Variants in LRBA observed in about 807,000 individuals in gnomAD.
LRBA encodes LPS responsive beige-like anchor protein.
A neutral mutation model predicts 330.0 loss-of-function variants in LRBA; 176 were observed. That is an observed-to-expected ratio of 0.53 (90% confidence interval 0.47 to 0.60). The LOEUF is 0.60. LRBA is among the 20% of genes least tolerant of loss of function. LRBA has a pLI of 0.00. For synonymous variants in LRBA, 1,230 were observed against 1,193.0 expected (o/e 1.03, Z -0.64); for missense variants, 3,259 against 3,444.8 (o/e 0.95, Z 1.35).
intron 40 of LRBA, among the ~76,000 whole-genome samples, chr4:150,571,005 G>C (rs1769773283): frequency 6.6e-6 from 1 of 152,092 alleles, no homozygotes; most frequent in South Asian, 2.1e-4. Flanking sequence ...TGCTGTAGCA[G>C]TATGTTTGAG....
chr4:150,423,156 C>T lies in LRBA; in HGVS notation c.7042-7566G>A, dbSNP rs534883471. ...CACCACCAAAGTACAGGACCAACCT[C>T]GGGGCAGGGTCCCTCCGGTCCCCCT... On this transcript the variant is annotated intron_variant, in intron 46 of 56. Coordinates refer to ENST00000651943, the MANE Select transcript of LRBA (RefSeq NM_001364905.1). 11 of 1,167,064 alleles carry T rather than the reference C, an allele frequency of 9.4e-6. 1 individual carries two copies. Among genetic ancestry groups the T allele is most frequent in the African/African-American group, 4.7e-5 (3 of 63,622 alleles). 72.3% of individuals were successfully genotyped at this position (1,167,064 alleles called of 1,614,324 possible).
At chr4:150,301,195 T>C (rs1729632978) in intron 53 of LRBA, among the ~76,000 whole-genome samples, 1 of 152,032 alleles carries the variant, frequency 6.6e-6, no homozygotes, top group African/African-American at 2.4e-5. Context: ...GACCAGAATA[T>C]TGTGTTCATG....
chr4:150,661,726 T>G (rs1290735649), intron 37 of LRBA, among the ~76,000 whole-genome samples: 1 of 152,054 alleles, frequency 6.6e-6, no homozygotes, highest in East Asian at 1.9e-4. Context: ...TTCTCATGAC[T>G]CAGCTTCCTG....
intron 30 of LRBA, among the ~76,000 whole-genome samples, chr4:150,820,809 A>G (rs1333947170): frequency 1.3e-5 from 2 of 152,086 alleles, no homozygotes; most frequent in East Asian, 3.8e-4. Flanking sequence ...TTCAACAGAG[A>G]TCTTTAACCT....
At chr4:150,358,027 C>A (rs893985251) in intron 47 of LRBA, among the ~76,000 whole-genome samples, 1 of 151,990 alleles carries the variant, frequency 6.6e-6, no homozygotes. Flanking sequence ...TATTTCTATT[C>A]CTGAGATAAG....
chr4:150,496,615 T>C (rs1759619490), intron 40 of LRBA, among the ~76,000 whole-genome samples: 1 of 152,052 alleles, frequency 6.6e-6, no homozygotes, highest in African/African-American at 2.4e-5. Flanking sequence ...CCTGCACATG[T>C]AACATCAATA....
chr4:150,334,043 A>G (rs889998129), intron 48 of LRBA, among the ~76,000 whole-genome samples: 3 of 152,194 alleles, frequency 2.0e-5, no homozygotes, highest in Admixed American at 2.0e-4. Flanking sequence ...AACCTTAGGA[A>G]AGAAATACAA....
intron 36 of LRBA, among the ~76,000 whole-genome samples, chr4:150,694,799 T>C (rs1016241236): frequency 1.3e-5 from 2 of 152,170 alleles, no homozygotes; most frequent in African/African-American, 2.4e-5. Flanking sequence ...TGTTGGGTTC[T>C]TATCGTTACA....
chr4:150,473,017 T>C (rs1756324186), intron 42 of LRBA, among the ~76,000 whole-genome samples: 1 of 152,124 alleles, frequency 6.6e-6, no homozygotes, highest in South Asian at 2.1e-4. Flanking sequence ...ATTGCTAGGT[T>C]GTATGTTGAG....
chr4:150,310,465 T>C, intron 51 of LRBA, 81 bp from the exon 52 acceptor site: 1 of 873,048 alleles, frequency 1.1e-6, no homozygotes, highest in South Asian at 1.8e-5. Flanking sequence ...AGGAGACACA[T>C]TCCCAGATAA....
At chr4:150,353,665 G>A (rs558256229) in intron 47 of LRBA, among the ~76,000 whole-genome samples, 38 of 152,196 alleles carry the variant, frequency 2.5e-4, no homozygotes, top group South Asian at 1.0e-3. Flanking sequence ...GAAAGCTACC[G>A]TGTGCTCATA....
At chr4:150,740,820 T>C (rs1037327917) in intron 35 of LRBA, among the ~76,000 whole-genome samples, 1 of 151,998 alleles carries the variant, frequency 6.6e-6, no homozygotes, top group Non-Finnish European at 1.5e-5. Context: ...CTAAAATCTA[T>C]AGAAAATGTA....
chr4:150,891,183 T>C (rs902928719), intron 17 of LRBA, among the ~76,000 whole-genome samples: 1 of 152,184 alleles, frequency 6.6e-6, no homozygotes, highest in Non-Finnish European at 1.5e-5. Flanking sequence ...GACCTATCCA[T>C]TACATTCCTA....
chr4:150,354,815 C>T (rs1737616288), intron 47 of LRBA, among the ~76,000 whole-genome samples: 1 of 151,894 alleles, frequency 6.6e-6, no homozygotes, highest in Admixed American at 6.6e-5. Flanking sequence ...TTATTACTAA[C>T]TTTCATTTGT....
At chr4:150,471,385 G>C (rs1040691245) in intron 43 of LRBA, among the ~76,000 whole-genome samples, 3 of 152,042 alleles carry the variant, frequency 2.0e-5, no homozygotes, top group Non-Finnish European at 4.4e-5. Context: ...ACAGTACTTT[G>C]AGTTTTTTAC....
intron 17 of LRBA, among the ~76,000 whole-genome samples, chr4:150,886,722 A>T (rs1728978989): frequency 6.6e-6 from 1 of 152,202 alleles, no homozygotes; most frequent in South Asian, 2.1e-4. Context: ...CTAAACAACA[A>T]CAACAAAACA....
intron 40 of LRBA, chr4:150,582,946 C>T: frequency 6.7e-7 from 1 of 1,490,168 alleles, no homozygotes; most frequent in East Asian, 2.3e-5. Flanking sequence ...TTTCGAAAGC[C>T]GCTGGGCCAC....
chr4:150,280,178 G>T (rs1005740771), intron 55 of LRBA, among the ~76,000 whole-genome samples: 1 of 152,168 alleles, frequency 6.6e-6, no homozygotes, highest in African/African-American at 2.4e-5. Context: ...AAGAGCCAGG[G>T]TAACATTTAG....
Position 150,447,355 on chromosome 4 carries a change from G to T in LRBA, c.6781-10491C>A, listed in dbSNP as rs1752741702. Among the ~76,000 whole-genome samples the T allele has an allele frequency of 3.9e-5, 6 of 152,064 alleles. No individual in the cohort carries two copies. The South Asian group carries it at 1.2e-3, about 31-fold the overall frequency. ...TAGATTTCTTTCTCCAATGTGGGTG[G>T]GCATCATCCAATCTGCTGAGGATCT... On this transcript the variant is annotated intron_variant, in intron 44 of 56. Transcript: ENST00000651943.
Sources: gnomAD v4.1 joint callset for allele counts (sites outside exome capture counted in the v4.1 genomes callset) on GRCh38, gnomAD v4.1.1 for gene constraint, MANE v1.5 for transcripts, NCBI Gene and HGNC (gene_info 2026-07-23, HGNC 2026-07-21) for gene names.